The following RANBP17 variants were observed in gnomAD, a reference collection of about 807,000 sequenced individuals.
The protein encoded by RANBP17 is RAN binding protein 17.
In RANBP17, 158 loss-of-function variants were observed where a neutral mutation model predicts 141.2. That is an observed-to-expected ratio of 1.12 (90% confidence interval 0.98 to 1.28). RANBP17 has a LOEUF of 1.28. Ranked by LOEUF, RANBP17 falls within the 50% of genes most tolerant of loss-of-function variation. RANBP17 has a pLI of 0.00. For synonymous variants in RANBP17, 430 were observed against 450.0 expected (o/e 0.96, Z 0.56); for missense variants, 1,438 against 1,290.7 (o/e 1.11, Z -1.75).
At chr5:170,989,293 C>G (rs1778350490) in intron 14 of RANBP17, among the ~76,000 whole-genome samples, 1 of 151,700 alleles carries the variant, frequency 6.6e-6, no homozygotes, top group Non-Finnish European at 1.5e-5. Context: ...ATAATCCATC[C>G]CACATCTTTG....
intron 14 of RANBP17, among the ~76,000 whole-genome samples, chr5:170,972,932 G>C (rs1028554316): frequency 6.6e-6 from 1 of 151,904 alleles, no homozygotes; most frequent in Non-Finnish European, 1.5e-5. Flanking sequence ...TTTTTTTATT[G>C]GTTTCTCGTT....
chr5:171,081,327 A>T (rs1018466373), intron 14 of RANBP17, among the ~76,000 whole-genome samples: 2 of 152,186 alleles, frequency 1.3e-5, no homozygotes, highest in African/African-American at 4.8e-5. Context: ...GTCATTGAAT[A>T]AAAGAATATG....
intron 14 of RANBP17, among the ~76,000 whole-genome samples, chr5:171,126,179 G>A (rs1254486996): frequency 6.6e-6 from 1 of 152,188 alleles, no homozygotes; most frequent in African/African-American, 2.4e-5. Flanking sequence ...TTTGCAAACT[G>A]TACAAATACA....
chr5:171,083,805 A>G (rs1022171017), intron 14 of RANBP17, among the ~76,000 whole-genome samples: 1 of 152,022 alleles, frequency 6.6e-6, no homozygotes, highest in Non-Finnish European at 1.5e-5. Flanking sequence ...ATGATATTAT[A>G]AGGGGGAGTT....
chr5:171,248,536 G>T (rs1000095796), intron 24 of RANBP17, among the ~76,000 whole-genome samples: 5 of 152,144 alleles, frequency 3.3e-5, no homozygotes, highest in Admixed American at 1.3e-4. Context: ...ACAGACTACT[G>T]CAATCTAAAC....
chr5:170,970,435 A>G (rs986681249), intron 14 of RANBP17: 1 of 152,124 alleles, frequency 6.6e-6, no homozygotes, highest in African/African-American at 2.4e-5. Flanking sequence ...CACCAGCTTC[A>G]TACTTCAGTA....
chr5:171,044,195 C>T (rs548203208), intron 14 of RANBP17, among the ~76,000 whole-genome samples: 1 of 151,964 alleles, frequency 6.6e-6, no homozygotes, highest in Non-Finnish European at 1.5e-5. Context: ...ATATATATTA[C>T]ATTTTAATTT....
intron 18 of RANBP17, among the ~76,000 whole-genome samples, chr5:171,193,084 T>C (rs957424089): frequency 2.0e-5 from 3 of 152,218 alleles, no homozygotes; most frequent in Non-Finnish European, 4.4e-5. Context: ...CCATTGTTAC[T>C]TGGTTTTGAA....
chr5:171,253,305 CA>C (rs1765694531), intron 24 of RANBP17, among the ~76,000 whole-genome samples: 1 of 152,138 alleles, frequency 6.6e-6, no homozygotes, highest in African/African-American at 2.4e-5. Context: ...CCAATAATGC[CA>C]TGAATTCCTT....
chr5:171,247,499 A>T (rs1765278376), intron 24 of RANBP17, among the ~76,000 whole-genome samples: 1 of 152,244 alleles, frequency 6.6e-6, no homozygotes, highest in Non-Finnish European at 1.5e-5. Context: ...TGGAAAAAAT[A>T]AGGAGGTACA....
In RANBP17 at chr5:170,964,383, TTTG is replaced by T. The variant is rs201067102; in HGVS notation, c.1575-3847_1575-3845del. Among the ~76,000 whole-genome samples the T allele has an allele frequency of 2.3e-3, 342 of 151,838 alleles. 1 individual carries two copies. The highest frequency in any genetic ancestry group is 7.5e-3 in the African/African-American group (311 of 41,218). Reference sequence around the variant, plus strand: ...GTGTATTCATATAATGGAATGTTTTTTTGTTGTTGTTGTTAATTTTATTATTAT... The same window carrying T: ...GTGTATTCATATAATGGAATGTTTTTTTGTTGTTGTTAATTTTATTATTAT... On this transcript the variant is annotated intron_variant, in intron 13 of 27. Coordinates refer to ENST00000523189, the MANE Select transcript of RANBP17 (RefSeq NM_022897.5).
intron 14 of RANBP17, among the ~76,000 whole-genome samples, chr5:171,063,955 A>T (rs1381878154): frequency 6.6e-6 from 1 of 152,150 alleles, no homozygotes; most frequent in Non-Finnish European, 1.5e-5. Context: ...TGGGCGTAGG[A>T]CCCTCCAAGC....
At chr5:171,146,599 T>C (rs775776455) in intron 14 of RANBP17, among the ~76,000 whole-genome samples, 14 of 152,020 alleles carry the variant, frequency 9.2e-5, no homozygotes, top group Non-Finnish European at 1.5e-5. Flanking sequence ...AGAGGGTAAA[T>C]ATCTTTGATC....
At chr5:171,144,821 T>A (rs1215067396) in intron 14 of RANBP17, among the ~76,000 whole-genome samples, 1 of 152,232 alleles carries the variant, frequency 6.6e-6, no homozygotes, top group Non-Finnish European at 1.5e-5. Context: ...TCTTTGGATG[T>A]CATAGACCAT....
intron 22 of RANBP17, among the ~76,000 whole-genome samples, chr5:171,235,698 C>T (rs1014000490): frequency 2.0e-5 from 3 of 152,098 alleles, no homozygotes; most frequent in Non-Finnish European, 2.9e-5. Context: ...GCCTCCTGGG[C>T]TCAAGTGATC....
At chr5:170,976,452 T>G in intron 14 of RANBP17, among the ~76,000 whole-genome samples, 1 of 152,164 alleles carries the variant, frequency 6.6e-6, no homozygotes, top group East Asian at 1.9e-4. Flanking sequence ...TACCAAAATC[T>G]TAGCTGTTGT....
At chr5:171,094,257 A>C (rs1786514690) in intron 14 of RANBP17, among the ~76,000 whole-genome samples, 1 of 152,104 alleles carries the variant, frequency 6.6e-6, no homozygotes, top group South Asian at 2.1e-4. Flanking sequence ...TGTGTGTTTT[A>C]ATTGTGTGTG....
intron 5 of RANBP17, among the ~76,000 whole-genome samples, chr5:170,908,946 AC>A (rs1771301252): frequency 6.6e-6 from 1 of 151,878 alleles, no homozygotes. Flanking sequence ...GCAACTGTAG[AC>A]CATAGTGTTA....
At chr5:171,279,940 T>C (rs1001671618) in intron 25 of RANBP17, among the ~76,000 whole-genome samples, 9 of 152,212 alleles carry the variant, frequency 5.9e-5, no homozygotes, top group Non-Finnish European at 1.3e-4. Flanking sequence ...TATTTCTCTG[T>C]GGCATTTCTT....
Sources: allele counts gnomAD v4.1 joint callset (sites outside exome capture counted in the v4.1 genomes callset), GRCh38; gene constraint gnomAD v4.1.1; transcripts MANE v1.5; gene names NCBI Gene and HGNC (gene_info 2026-07-23, HGNC 2026-07-21).